Variants in COL25A1 observed in about 807,000 individuals in gnomAD.
The protein encoded by COL25A1 is collagen alpha-1(XXV) chain.
COL25A1 carries 103 observed loss-of-function variants against 128.4 expected under a neutral mutation model. The observed-to-expected ratio is 0.80, with a 90% CI of 0.68 to 0.94. The LOEUF (loss-of-function observed/expected upper bound fraction) is 0.94. Ranked by LOEUF, COL25A1 falls within the 40% of genes least tolerant of loss-of-function variation. The probability of loss-of-function intolerance (pLI) is 0.00; values close to 1 mark genes in which losing one functional copy is unlikely to be tolerated. For synonymous variants in COL25A1, 279 were observed against 277.2 expected, an observed-to-expected ratio of 1.01 and a Z score of -0.06; for missense variants, 745 against 840.0, an observed-to-expected ratio of 0.89 and a Z score of 1.40.
chr4:109,212,219 A>G (rs1777622673), intron 3 of COL25A1, among the ~76,000 whole-genome samples: 1 of 152,126 alleles, frequency 6.6e-6, no homozygotes, highest in Non-Finnish European at 1.5e-5. Context: ...TCATCTGGGT[A>G]GTTCTCTGAT....
chr4:109,145,067 C>CTTT (rs11344199), intron 3 of COL25A1, among the ~76,000 whole-genome samples: 2 of 109,158 alleles, frequency 1.8e-5, no homozygotes, highest in Non-Finnish European at 1.9e-5. Flanking sequence ...AAAACCTCAG[C>CTTT]TTTTTTTTTT....
intron 11 of COL25A1, 68 bp downstream of exon 11, chr4:108,937,740 C>T (rs1747606399): frequency 1.5e-6 from 2 of 1,312,858 alleles, no homozygotes; most frequent in Non-Finnish European, 1.1e-6. Context: ...ACATTCATCA[C>T]ACATAATCTT....
At chr4:108,827,355 A>G (rs1732521344) in intron 32 of COL25A1, among the ~76,000 whole-genome samples, 167 bp from the exon 33 acceptor site, 1 of 152,212 alleles carries the variant, frequency 6.6e-6, no homozygotes, top group Admixed American at 6.5e-5. Context: ...AGTAATCCAC[A>G]GTAGCATCTT....
chr4:109,270,174 C>T (rs1782095267), intron 3 of COL25A1, among the ~76,000 whole-genome samples: 1 of 152,054 alleles, frequency 6.6e-6, no homozygotes, highest in Non-Finnish European at 1.5e-5. Context: ...CAGGGATGCC[C>T]TCTCTCACCA....
chr4:109,100,647 G>A (rs1765811249), intron 3 of COL25A1, among the ~76,000 whole-genome samples: 1 of 152,082 alleles, frequency 6.6e-6, no homozygotes, highest in Non-Finnish European at 1.5e-5. Flanking sequence ...TATACCTAAA[G>A]AATAAAAATC....
At chr4:109,179,707 T>A (rs2526433) in intron 3 of COL25A1, among the ~76,000 whole-genome samples, 7,237 of 152,314 alleles carry the variant, frequency 0.048, 495 homozygotes, top group African/African-American at 0.15. Context: ...GTATTTTTCT[T>A]AATGTGGTCT....
chr4:109,105,886 T>G (rs1766382899), intron 3 of COL25A1, among the ~76,000 whole-genome samples: 1 of 151,920 alleles, frequency 6.6e-6, no homozygotes, highest in South Asian at 2.1e-4. Context: ...TTTATTTCCA[T>G]GTATTGAGTA....
chr4:109,132,922 AC>A (rs1769370062), intron 3 of COL25A1, among the ~76,000 whole-genome samples: 1 of 152,108 alleles, frequency 6.6e-6, no homozygotes, highest in Non-Finnish European at 1.5e-5. Context: ...ATAATGTGGC[AC>A]AAAAATAGGA....
chr4:109,021,414 C>A (rs1315316945), intron 5 of COL25A1, among the ~76,000 whole-genome samples: 1 of 152,136 alleles, frequency 6.6e-6, no homozygotes, highest in Non-Finnish European at 1.5e-5. Context: ...TAATAATACT[C>A]TAATAATTTC....
intron 20 of COL25A1, among the ~76,000 whole-genome samples, 181 bp downstream of exon 20, chr4:108,868,903 GAAAA>G (rs986623006): frequency 1.8e-4 from 19 of 103,038 alleles, no homozygotes; most frequent in African/African-American, 6.6e-4. Context: ...GAAGGAAAGA[GAAAA>G]AGAAAGAAAG....
intron 6 of COL25A1, among the ~76,000 whole-genome samples, chr4:108,984,217 T>A (rs1753388308): frequency 6.6e-6 from 1 of 152,178 alleles, no homozygotes; most frequent in African/African-American, 2.4e-5. Context: ...GATTGGTGTG[T>A]TTACAAACCT....
chr4:108,997,150 GAC>G (rs1754862962), intron 6 of COL25A1, among the ~76,000 whole-genome samples: 1 of 152,038 alleles, frequency 6.6e-6, no homozygotes, highest in African/African-American at 2.4e-5. Flanking sequence ...AGGAGATAGA[GAC>G]ACAAAAAACC....
At chr4:109,301,598 G>T in intron 2 of COL25A1, 125 bp downstream of exon 2, 1 of 1,041,480 alleles carries the variant, frequency 9.6e-7, no homozygotes, top group Non-Finnish European at 1.4e-6. Context: ...GCCAACACAT[G>T]CACGCGCGCG....
At chr4:108,870,981 G>A (rs1738639619) in intron 19 of COL25A1, among the ~76,000 whole-genome samples, 1 of 152,098 alleles carries the variant, frequency 6.6e-6, no homozygotes, top group East Asian at 1.9e-4. Context: ...AAGAGTAAAT[G>A]TTGCAAAAAC....
intron 19 of COL25A1, among the ~76,000 whole-genome samples, chr4:108,880,378 T>A (rs923976984): frequency 6.6e-6 from 1 of 152,210 alleles, no homozygotes; most frequent in African/African-American, 2.4e-5. Context: ...TAAAGTAACA[T>A]CCACTCATCG....
chr4:109,190,403 AAGG>A (rs1775503022), intron 3 of COL25A1, among the ~76,000 whole-genome samples: 1 of 152,130 alleles, frequency 6.6e-6, no homozygotes, highest in Non-Finnish European at 1.5e-5. Flanking sequence ...TTGAGGAAGG[AAGG>A]AGGGAAGAAG....
chr4:108,972,405 T>C (rs1401017733), intron 8 of COL25A1, among the ~76,000 whole-genome samples: 1 of 152,330 alleles, frequency 6.6e-6, no homozygotes, highest in African/African-American at 2.4e-5. Context: ...TTTTGAAATA[T>C]AGAACCTTCA....
chr4:109,079,824 T>C (rs1313518976), intron 3 of COL25A1, among the ~76,000 whole-genome samples: 1 of 151,808 alleles, frequency 6.6e-6, no homozygotes, highest in Non-Finnish European at 1.5e-5. Flanking sequence ...AAACTGGTGC[T>C]GTTTTGAGAA....
At chr4:108,989,311 G>A (rs1204817077) in intron 6 of COL25A1, among the ~76,000 whole-genome samples, 2 of 152,218 alleles carry the variant, frequency 1.3e-5, no homozygotes, top group Non-Finnish European at 2.9e-5. Flanking sequence ...TGGTGGTGCT[G>A]AGCTTATTGC....
Sources: gnomAD v4.1 joint callset for allele counts (sites outside exome capture counted in the v4.1 genomes callset) on GRCh38, gnomAD v4.1.1 for gene constraint, MANE v1.5 for transcripts, NCBI Gene and HGNC (gene_info 2026-07-23, HGNC 2026-07-21) for gene names.